The following DROSHA variants were observed in gnomAD, a reference collection of about 807,000 sequenced individuals.
DROSHA encodes ribonuclease 3.
A neutral mutation model predicts 181.9 loss-of-function variants in DROSHA; 56 were observed. The observed-to-expected ratio is 0.31, with a 90% CI of 0.25 to 0.38. DROSHA has a LOEUF of 0.38. DROSHA is among the 10% of genes least tolerant of loss of function. DROSHA has a pLI of 1.00. For missense variants in DROSHA, 1,218 were observed against 1,743.5 expected (o/e 0.70, Z 5.37); for synonymous variants, 524 against 591.2 (o/e 0.89, Z 1.65).
chr5:31,412,483 T>C (rs1488431125), intron 30 of DROSHA, among the ~76,000 whole-genome samples: 1 of 152,234 alleles, frequency 6.6e-6, no homozygotes, highest in Non-Finnish European at 1.5e-5. Context: ...ACAGAGCTTA[T>C]GAAAATCAAG....
Position 31,461,366 on chromosome 5 carries a change from G to A in DROSHA, c.2574+2870C>T, listed in dbSNP as rs560695394. ...CATAAAAATTCCAGGAAGAGCTAAC[G>A]TATCAACTGTGGCAAAAACTCTTAG... On this transcript the variant is annotated intron_variant, in intron 20 of 35. Coordinates refer to ENST00000344624, the MANE Select transcript of DROSHA (RefSeq NM_001382508.1). 1.2e-4 allele frequency among the ~76,000 whole-genome samples: 19 copies of A among 152,238 alleles called. No individual in the cohort carries two copies. The South Asian group carries it at 1.7e-3, about 13-fold the overall frequency.
chr5:31,401,807 A>G (rs1369193292), intron 35 of DROSHA, among the ~76,000 whole-genome samples: 2 of 152,186 alleles, frequency 1.3e-5, no homozygotes. Context: ...GAACTTGGGT[A>G]TAGCAGGCAC....
intron 13 of DROSHA, among the ~76,000 whole-genome samples, chr5:31,490,811 A>G: frequency 6.6e-6 from 1 of 152,246 alleles, no homozygotes; most frequent in East Asian, 1.9e-4. Flanking sequence ...TATGAACTGC[A>G]CAACAGTCAG....
chr5:31,485,538 C>A (rs772944454), intron 14 of DROSHA, among the ~76,000 whole-genome samples: 3 of 150,270 alleles, frequency 2.0e-5, no homozygotes, highest in African/African-American at 7.3e-5. Context: ...TTGTTTTGCT[C>A]GGAGTTCATA....
At chr5:31,455,616 C>G (rs1022551227) in intron 20 of DROSHA, among the ~76,000 whole-genome samples, 4 of 151,254 alleles carry the variant, frequency 2.6e-5, no homozygotes, top group African/African-American at 9.7e-5. Flanking sequence ...AGGACCAAGT[C>G]ACTTAAACTC....
In DROSHA at chr5:31,406,913, C is replaced by T; in HGVS notation, c.3887G>A (p.Arg1296Gln). ...GAAATAAACAGCCACAGTGTAGGTT[C>T]GGGCATGGGATGGGCCCACTGTCTG... The part of the protein sequence containing the change: ...TLQTVGPSHA[R>Q]TYTVAVYFKG... Residue 1296 changes from arginine to glutamine, a missense_variant, in exon 34 of 36, where the codon CGA (arginine) becomes CAA (glutamine). Arg to Gln is a conservative substitution (Grantham distance 43). This residue lies in a region of DROSHA where 48 missense variants were observed against 124.9 expected (regional missense o/e 0.38). Coordinates refer to ENST00000344624, the MANE Select transcript of DROSHA (RefSeq NM_001382508.1). 1 of 1,613,260 alleles carries T rather than the reference C, an allele frequency of 6.2e-7. No individual in the cohort carries two copies. Among genetic ancestry groups the T allele is most frequent in the Non-Finnish European group, 8.5e-7 (1 of 1,179,578 alleles).
chr5:31,406,471 C>G (rs143919055), intron 34 of DROSHA, among the ~76,000 whole-genome samples: 70 of 151,670 alleles, frequency 4.6e-4, no homozygotes, highest in African/African-American at 1.6e-3. Context: ...GACTAGGTGA[C>G]AAAGTGAGAC....
chr5:31,408,280 G>C (rs146426883), intron 33 of DROSHA, among the ~76,000 whole-genome samples: 60 of 152,296 alleles, frequency 3.9e-4, no homozygotes, highest in African/African-American at 1.4e-3. Flanking sequence ...CACATGGGGT[G>C]AAACAGTTTT....
At chr5:31,482,362 A>G (rs947805164) in intron 16 of DROSHA, among the ~76,000 whole-genome samples, 3 of 152,158 alleles carry the variant, frequency 2.0e-5, no homozygotes, top group Admixed American at 2.0e-4. Flanking sequence ...ATCAGAGCAC[A>G]GGACCTGGTG....
rs780163067 is a variant in DROSHA, at chr5:31,495,296, G to A, written c.1745C>T (p.Thr582Met). The A allele has an allele frequency of 1.9e-6, 3 of 1,613,612 alleles. No homozygotes were observed. The highest frequency in any genetic ancestry group is 2.5e-6 in the Non-Finnish European group (3 of 1,179,732). Residue 582 changes from threonine to methionine, a missense_variant, in exon 12 of 36, where the codon ACG becomes ATG. By Grantham distance (81) the Thr-to-Met change is moderately conservative. This residue lies in a region of DROSHA where 460 missense variants were observed against 774.2 expected (regional missense o/e 0.59). Transcript: ENST00000344624. ...FHYRITVSPP[T>M]NFLTDRPTVI... ...TCTTTAGAAACTTACTAAAAAGTTC[G>A]TAGGCGGGGAGACTGTGATCCGGTA...
At chr5:31,483,236 A>G (rs1281862909) in intron 16 of DROSHA, among the ~76,000 whole-genome samples, 1 of 152,066 alleles carries the variant, frequency 6.6e-6, no homozygotes, top group Admixed American at 6.5e-5. Flanking sequence ...AAATTTTTTT[A>G]TTGTTTTCCA....
intron 14 of DROSHA, among the ~76,000 whole-genome samples, chr5:31,485,263 T>C (rs931053286): frequency 6.6e-6 from 1 of 152,182 alleles, no homozygotes; most frequent in Non-Finnish European, 1.5e-5. Context: ...ATAAACTGTG[T>C]CAGAATCTTC....
chr5:31,475,515 A>G (rs1750259879), intron 16 of DROSHA, among the ~76,000 whole-genome samples: 1 of 152,186 alleles, frequency 6.6e-6, no homozygotes, highest in African/African-American at 2.4e-5. Flanking sequence ...CTAATGCCAG[A>G]ATACGTTGTC....
intron 30 of DROSHA, 55 bp from the exon 31 acceptor site, chr5:31,410,942 T>C: frequency 6.2e-7 from 1 of 1,602,778 alleles, no homozygotes; most frequent in Non-Finnish European, 8.5e-7. Context: ...TGACCTCTCT[T>C]ATTCCTGGGT....
At chr5:31,403,550 A>G (rs1188756368) in intron 35 of DROSHA, among the ~76,000 whole-genome samples, 2 of 152,192 alleles carry the variant, frequency 1.3e-5, no homozygotes, top group Non-Finnish European at 2.9e-5. Context: ...ATTTTCCCAT[A>G]TCATTAGTTT....
chr5:31,499,095 G>A (rs1208300905), intron 11 of DROSHA, among the ~76,000 whole-genome samples: 2 of 152,156 alleles, frequency 1.3e-5, no homozygotes, highest in East Asian at 1.9e-4. Flanking sequence ...CTGACCTCAG[G>A]CACGGTCCAC....
At chr5:31,511,288 C>A in intron 8 of DROSHA, 112 bp from the exon 9 acceptor site, 1 of 1,065,230 alleles carries the variant, frequency 9.4e-7, no homozygotes, top group Non-Finnish European at 1.3e-6. Context: ...TGCTATTTTT[C>A]AACCCTAAAT....
chr5:31,467,152 G>A (rs1749136836), intron 18 of DROSHA: 1 of 149,128 alleles, frequency 6.7e-6, no homozygotes. Flanking sequence ...ACAGTGCCTG[G>A]TTCACTGCTT....
chr5:31,429,633 GC>G, intron 26 of DROSHA, 88 bp from the exon 27 acceptor site: 1 of 1,025,232 alleles, frequency 9.8e-7, no homozygotes, highest in Non-Finnish European at 1.4e-6. Flanking sequence ...AAAAACGCAA[GC>G]CAAAAACTAC....
Sources: allele counts gnomAD v4.1 joint callset (sites outside exome capture counted in the v4.1 genomes callset), GRCh38; gene constraint gnomAD v4.1.1; regional missense constraint gnomAD v4.1.1; transcripts MANE v1.5; gene names NCBI Gene and HGNC (gene_info 2026-07-23, HGNC 2026-07-21).